MEGF9: variants seen among roughly 807,000 people sequenced by gnomAD.
MEGF9 encodes multiple epidermal growth factor-like domains protein 9.
A neutral mutation model predicts 46.8 loss-of-function variants in MEGF9; 6 were observed. That is an observed-to-expected ratio of 0.13 (90% CI 0.07 to 0.25). The LOEUF (loss-of-function observed/expected upper bound fraction) is 0.25, where lower values mean the gene tolerates loss of function less well. Ranked by LOEUF, MEGF9 falls within the 10% of genes least tolerant of loss-of-function variation. The pLI is 1.00. For synonymous variants in MEGF9, 302 were observed against 330.7 expected (o/e 0.91, Z 0.94); for missense variants, 683 against 792.4 (o/e 0.86, Z 1.66).
At chr9:120,631,670 A>C (rs528028645) in intron 2 of MEGF9, among the ~76,000 whole-genome samples, 2 of 151,920 alleles carry the variant, frequency 1.3e-5, no homozygotes, top group South Asian at 4.2e-4. Flanking sequence ...ATTTTAGTAG[A>C]AATGGGGTTT....
chr9:120,667,457 T>G (rs1252270059), intron 1 of MEGF9, among the ~76,000 whole-genome samples: 2 of 152,220 alleles, frequency 1.3e-5, no homozygotes, highest in Non-Finnish European at 2.9e-5. Flanking sequence ...ATTACTATCC[T>G]TTTTTCATAT....
At chr9:120,627,709 C>T (rs1026406007) in intron 2 of MEGF9, among the ~76,000 whole-genome samples, 2 of 152,176 alleles carry the variant, frequency 1.3e-5, no homozygotes, top group African/African-American at 4.8e-5. Context: ...GTGATCCACC[C>T]GCCTGGGCTT....
At chr9:120,646,484 A>G (rs543188948) in intron 2 of MEGF9, among the ~76,000 whole-genome samples, 1 of 152,250 alleles carries the variant, frequency 6.6e-6, no homozygotes, top group East Asian at 1.9e-4. Context: ...TGCTGTCTGT[A>G]AAGTCCTTTC....
chr9:120,663,641 A>G (rs962758836), intron 1 of MEGF9, among the ~76,000 whole-genome samples: 3 of 152,220 alleles, frequency 2.0e-5, no homozygotes, highest in African/African-American at 7.2e-5. Flanking sequence ...TGTGGATGTT[A>G]ATGGGAATGA....
chr9:120,627,840 G>A (rs1417279851), intron 2 of MEGF9, among the ~76,000 whole-genome samples: 1 of 152,072 alleles, frequency 6.6e-6, no homozygotes, highest in African/African-American at 2.4e-5. Context: ...TTCTTCCTCA[G>A]ACATTACACA....
chr9:120,658,335 G>A (rs182047644), intron 2 of MEGF9, among the ~76,000 whole-genome samples: 1 of 152,234 alleles, frequency 6.6e-6, no homozygotes, highest in East Asian at 1.9e-4. Context: ...TTCCATAACA[G>A]TATAATATCA....
At chr9:120,708,945 T>C (rs2043940613) in intron 1 of MEGF9, among the ~76,000 whole-genome samples, 1 of 152,180 alleles carries the variant, frequency 6.6e-6, no homozygotes, top group Admixed American at 6.5e-5. Flanking sequence ...CTTAATGGGC[T>C]CAATGAGTCA....
chr9:120,624,257 G>C (rs1441575816), intron 2 of MEGF9, among the ~76,000 whole-genome samples: 1 of 152,102 alleles, frequency 6.6e-6, no homozygotes, highest in Non-Finnish European at 1.5e-5. Flanking sequence ...TTTTGAGAAA[G>C]GGTCTCATTT....
Position 120,604,747 on chromosome 9 carries a change from G to A in MEGF9, c.*443C>T, listed in dbSNP as rs2043412587. 1 of 171,520 alleles carries A rather than the reference G, an allele frequency of 5.8e-6. No homozygotes were observed. The highest frequency in any genetic ancestry group is 1.3e-5 in the Non-Finnish European group (1 of 77,846). 10.6% of individuals were successfully genotyped at this position (171,520 alleles called of 1,614,324 possible). On this transcript the variant is annotated 3_prime_UTR_variant, in exon 6 of 6. Transcript: ENST00000373930. ...AGCTTTTCCTCAATGATGTCCTTTTGTATAGTAAAACGAATATAATCCCTG... is the reference window on the plus strand; with the variant it reads ...AGCTTTTCCTCAATGATGTCCTTTTATATAGTAAAACGAATATAATCCCTG...
At position 120,714,259 on chromosome 9, in the gene MEGF9, AGGCGACGGCGGCGGC is replaced by A; in HGVS notation, c.85_99del (p.Ala29_Ala33del). On this transcript the variant is annotated inframe_deletion, in exon 1 of 6. Coordinates refer to ENST00000373930, the MANE Select transcript of MEGF9 (RefSeq NM_001080497.3). ...GTGACATTCCCCGCCGAGGCGGCTG[AGGCGACGGCGGCGGC>A]GGCGGCGGCGGCGGCGCAGCACAAC... 1 of 1,194,026 alleles carries A rather than the reference AGGCGACGGCGGCGGC, an allele frequency of 8.4e-7. No homozygotes were observed. Among genetic ancestry groups the A allele is most frequent in the Non-Finnish European group, 1.0e-6 (1 of 976,284 alleles). 74.0% of individuals were successfully genotyped at this position (1,194,026 alleles called of 1,614,324 possible). A position where few individuals can be genotyped will look rare whatever the true frequency, so the allele number is the denominator to read the frequency against.
intron 1 of MEGF9, among the ~76,000 whole-genome samples, chr9:120,687,781 A>AT (rs1415761380): frequency 5.1e-4 from 75 of 146,668 alleles, no homozygotes; most frequent in African/African-American, 1.7e-3. Flanking sequence ...AGAAAAAGAG[A>AT]TAAAAAAAAA....
chr9:120,635,519 C>CT (rs79345594), intron 2 of MEGF9, among the ~76,000 whole-genome samples: 96 of 149,864 alleles, frequency 6.4e-4, no homozygotes, highest in Non-Finnish European at 1.2e-3. Context: ...ATTTCTCTCT[C>CT]TTTTTTTTTT....
chr9:120,646,512 T>G (rs903357814), intron 2 of MEGF9, among the ~76,000 whole-genome samples: 3 of 152,222 alleles, frequency 2.0e-5, no homozygotes, highest in African/African-American at 7.2e-5. Flanking sequence ...TTTTCACTTC[T>G]GTATGTCTAA....
In MEGF9 at chr9:120,605,594, C is replaced by T. The variant is rs1370108204; in HGVS notation, c.1405G>A (p.Ala469Thr). ...PEGSTILVSN[A>T]SLTTSVPTPV... The stretch of plus-strand genomic sequence containing the variant: ...GTGGGCACTGATGTGGTCAAAGAGG[C>T]ATTGGAAACCAAAATGGTAGAACCT... The change falls in exon 6 of 6, where the codon GCC becomes ACC. Residue 469 changes from alanine (A) to threonine (T), a missense_variant. This residue lies in a region of MEGF9 where 313 missense variants were observed against 421.1 expected (regional missense o/e 0.74). Coordinates refer to ENST00000373930, the MANE Select transcript of MEGF9 (RefSeq NM_001080497.3). This position sits in a 1 kb window ranked among gnomAD's most constrained non-coding sequence, Gnocchi z 4.0. The T allele has an allele frequency of 1.6e-5, 25 of 1,598,318 alleles. No homozygotes were observed. Among genetic ancestry groups the T allele is most frequent in the Admixed American group, 3.5e-5 (2 of 56,670 alleles).
At chr9:120,686,264 G>A (rs2043821734) in intron 1 of MEGF9, among the ~76,000 whole-genome samples, 1 of 152,016 alleles carries the variant, frequency 6.6e-6, no homozygotes, top group Non-Finnish European at 1.5e-5. Flanking sequence ...ATAATTTTTT[G>A]TATTTTTAGT....
rs1348436068 is a variant in MEGF9, at chr9:120,603,468, G to A, written c.*1722C>T. 6 of 152,154 alleles carry A rather than the reference G, an allele frequency of 3.9e-5. No homozygotes were observed. The highest frequency in any genetic ancestry group is 1.5e-5 in the Non-Finnish European group (1 of 68,036). The allele number at this position is 152,154 out of a possible 1,614,324, so 9.4% of individuals were successfully genotyped here. ...CCAGAACATCATCTCCAAACCCTGAGAACAACTTAGGGGTCTCCTATAAAG... is the reference window on the plus strand; with the variant it reads ...CCAGAACATCATCTCCAAACCCTGAAAACAACTTAGGGGTCTCCTATAAAG... On this transcript the variant is annotated 3_prime_UTR_variant, in exon 6 of 6. Coordinates refer to ENST00000373930, the MANE Select transcript of MEGF9 (RefSeq NM_001080497.3).
chr9:120,647,454 A>C (rs2043630785), intron 2 of MEGF9, among the ~76,000 whole-genome samples: 1 of 152,208 alleles, frequency 6.6e-6, no homozygotes, highest in African/African-American at 2.4e-5. Context: ...GCATTTATTG[A>C]ATCAAATGAA....
At chr9:120,657,010 C>T (rs1216320287) in intron 2 of MEGF9, among the ~76,000 whole-genome samples, 1 of 152,200 alleles carries the variant, frequency 6.6e-6, no homozygotes, top group Non-Finnish European at 1.5e-5. Flanking sequence ...TGGATATAAA[C>T]CACCATATAA....
At chr9:120,670,308 G>C (rs1265646896) in intron 1 of MEGF9, among the ~76,000 whole-genome samples, 2 of 152,078 alleles carry the variant, frequency 1.3e-5, no homozygotes, top group Non-Finnish European at 2.9e-5. Flanking sequence ...TGTTGGTCAG[G>C]CTGGTCTCAA....
Sources: allele counts gnomAD v4.1 joint callset (sites outside exome capture counted in the v4.1 genomes callset), GRCh38; gene constraint gnomAD v4.1.1; regional missense constraint gnomAD v4.1.1; non-coding constraint Gnocchi (gnomAD v3.1); transcripts MANE v1.5; gene names NCBI Gene and HGNC (gene_info 2026-07-23, HGNC 2026-07-21).